RHBDD1: variants seen among roughly 807,000 people sequenced by gnomAD.
RHBDD1 encodes the protein rhomboid domain containing 1.
A neutral mutation model predicts 36.3 loss-of-function variants in RHBDD1; 38 were observed. That is an observed-to-expected ratio of 1.05 (90% CI 0.81 to 1.37). The LOEUF is 1.37. Ranked by LOEUF, RHBDD1 falls within the 40% of genes most tolerant of loss-of-function variation. The pLI, the probability that RHBDD1 is intolerant of heterozygous loss-of-function variation, is 0.00. For missense variants in RHBDD1, 393 were observed against 377.6 expected (o/e 1.04, Z -0.34); for synonymous variants, 151 against 136.5 (o/e 1.11, Z -0.74).
At chr2:226,947,940 G>C (rs1482784308) in intron 8 of RHBDD1, among the ~76,000 whole-genome samples, 1 of 152,196 alleles carries the variant, frequency 6.6e-6, no homozygotes, top group Non-Finnish European at 1.5e-5. Context: ...AGGATGTGGA[G>C]AAATAGGAAC....
At chr2:226,828,758 T>G in the RHBDD1 span, among the ~76,000 whole-genome samples, 1 of 152,226 alleles carries the variant, frequency 6.6e-6, no homozygotes, top group African/African-American at 2.4e-5. Context: ...TGAATTGTTT[T>G]CTACTTGACT....
chr2:226,964,489 A>ACAT (rs1447151631), intron 8 of RHBDD1, among the ~76,000 whole-genome samples: 1 of 152,062 alleles, frequency 6.6e-6, no homozygotes, highest in Non-Finnish European at 1.5e-5. Context: ...TTACCTTTGA[A>ACAT]CATCAGCCTT....
At chr2:226,862,775 A>G (rs902084443) in intron 3 of RHBDD1, among the ~76,000 whole-genome samples, 1 of 152,236 alleles carries the variant, frequency 6.6e-6, no homozygotes, top group Non-Finnish European at 1.5e-5. Flanking sequence ...TACTGGCTGT[A>G]AAGTTCAAGA....
chr2:226,838,947 A>G (rs1439312296), intron 2 of RHBDD1, among the ~76,000 whole-genome samples: 3 of 152,242 alleles, frequency 2.0e-5, no homozygotes, highest in African/African-American at 7.2e-5. Context: ...TAATGGGGAC[A>G]GTCAGCTAGA....
At chr2:226,977,233 C>T (rs1575398719) in intron 8 of RHBDD1, among the ~76,000 whole-genome samples, 1 of 152,308 alleles carries the variant, frequency 6.6e-6, no homozygotes, top group South Asian at 2.1e-4. Context: ...TCCCCTTCGG[C>T]AAGCTCCCCC....
At chr2:226,988,812 A>C (rs938037390) in intron 8 of RHBDD1, 32 of 647,330 alleles carry the variant, frequency 4.9e-5, no homozygotes, top group Admixed American at 4.4e-4. Flanking sequence ...CTTGAGAGTT[A>C]ACTACCAAGG....
chr2:226,809,194 G>C, the RHBDD1 span, among the ~76,000 whole-genome samples: 19 of 152,204 alleles, frequency 1.2e-4, no homozygotes, highest in Non-Finnish European at 2.6e-4. Flanking sequence ...AAGGGAGACA[G>C]AAGAACAACC....
At position 226,888,610 on chromosome 2, in the gene RHBDD1, G is replaced by GT. The variant is rs79704556; in HGVS notation, c.567-18173dup. Among the ~76,000 whole-genome samples the GT allele has an allele frequency of 3.7e-3, 551 of 147,034 alleles. 1 individual carries two copies. Among genetic ancestry groups the GT allele is most frequent in the African/African-American group, 0.011 (434 of 40,162 alleles). ...ATCTTTATCCTGACCTTTGTGTCTTGTTTTTTTTTTCTTTTTAAGGTGTGG... is the reference window on the plus strand; with the variant it reads ...ATCTTTATCCTGACCTTTGTGTCTTGTTTTTTTTTTTCTTTTTAAGGTGTGG... On this transcript the variant is annotated intron_variant, in intron 5 of 8. Coordinates refer to ENST00000392062, the MANE Select transcript of RHBDD1 (RefSeq NM_001167608.3).
At chr2:226,820,329 T>C in the RHBDD1 span, among the ~76,000 whole-genome samples, 1 of 152,074 alleles carries the variant, frequency 6.6e-6, no homozygotes, top group African/African-American at 2.4e-5. Context: ...AAACCCTTTT[T>C]TTGGCTTTTC....
intron 8 of RHBDD1, among the ~76,000 whole-genome samples, chr2:226,954,839 GAGA>G (rs1432547197): frequency 6.6e-6 from 1 of 152,006 alleles, no homozygotes; most frequent in Non-Finnish European, 1.5e-5. Context: ...CCTAAAAGAA[GAGA>G]AGGAGTGAAG....
chr2:226,911,027 A>G (rs1948480502), intron 7 of RHBDD1, among the ~76,000 whole-genome samples: 1 of 152,288 alleles, frequency 6.6e-6, no homozygotes, highest in South Asian at 2.1e-4. Flanking sequence ...AGAGTTGTTG[A>G]CTTTATTTCA....
chr2:226,886,695 A>G (rs1283215034), intron 5 of RHBDD1, among the ~76,000 whole-genome samples: 3 of 152,234 alleles, frequency 2.0e-5, no homozygotes, highest in East Asian at 1.9e-4. Flanking sequence ...AGGCAAAACA[A>G]TAGTCATAAT....
In RHBDD1 at chr2:226,962,106, A is replaced by T. The variant is rs191307740; in HGVS notation, c.857-33325A>T. On this transcript the variant is annotated intron_variant, in intron 8 of 8. Transcript: ENST00000392062. ...CTTAGACATCCGAGCTACTCTTTCCAGTAACCTGTAGAATTCTTTCCTTAT... is the reference window on the plus strand; with the variant it reads ...CTTAGACATCCGAGCTACTCTTTCCTGTAACCTGTAGAATTCTTTCCTTAT... Among the ~76,000 whole-genome samples the T allele has an allele frequency of 3.3e-5, 5 of 152,318 alleles. No individual in the cohort carries two copies. The East Asian group carries it at 9.7e-4, about 29-fold the overall frequency.
intron 8 of RHBDD1, chr2:226,935,317 A>G (rs1229107674): frequency 6.6e-6 from 1 of 152,144 alleles, no homozygotes; most frequent in African/African-American, 2.4e-5. Flanking sequence ...CCTGTTTATG[A>G]GCAATCATAT....
the RHBDD1 span, among the ~76,000 whole-genome samples, chr2:226,814,466 C>G: frequency 1.4e-4 from 21 of 152,076 alleles, no homozygotes; most frequent in Middle Eastern, 6.8e-3. Flanking sequence ...TAATGAGGAG[C>G]CTTTGGTATG....
intron 5 of RHBDD1, among the ~76,000 whole-genome samples, chr2:226,886,723 C>T (rs892289449): frequency 1.3e-5 from 2 of 152,016 alleles, no homozygotes; most frequent in East Asian, 1.9e-4. Context: ...GAACTAACTC[C>T]CTAATTAAGG....
At chr2:226,879,853 A>C (rs535722786) in intron 5 of RHBDD1, among the ~76,000 whole-genome samples, 3 of 152,268 alleles carry the variant, frequency 2.0e-5, no homozygotes, top group African/African-American at 7.2e-5. Context: ...CTGCAGAAGG[A>C]ATTTTGGTCT....
intron 5 of RHBDD1, among the ~76,000 whole-genome samples, chr2:226,896,717 G>A (rs944192610): frequency 5.3e-5 from 8 of 152,090 alleles, no homozygotes; most frequent in Admixed American, 3.9e-4. Context: ...TGGCACATAA[G>A]GCACATGGCA....
In RHBDD1 at chr2:226,867,219, A is replaced by G. The variant is rs200684700; in HGVS notation, c.467A>G (p.His156Arg). 1 of 1,611,926 alleles carries G rather than the reference A, an allele frequency of 6.2e-7. No individual in the cohort carries two copies. The change falls in exon 5 of 9, where the codon CAT (histidine) becomes CGT (arginine). Residue 156 changes from histidine to arginine, a missense_variant. Transcript: ENST00000392062. ...VLFALKVLNN[H>R]YCPGGFVNIL... The stretch of plus-strand genomic sequence containing the variant: ...TTTGCTTTGAAAGTTCTTAACAACC[A>G]TTATTGCCCTGGAGGCTTTGTCAAC...
Sources: gnomAD v4.1 joint callset for allele counts (sites outside exome capture counted in the v4.1 genomes callset) on GRCh38, gnomAD v4.1.1 for gene constraint, MANE v1.5 for transcripts, NCBI Gene and HGNC (gene_info 2026-07-23, HGNC 2026-07-21) for gene names.